CYP19A1: variants seen among roughly 807,000 people sequenced by gnomAD.
CYP19A1 encodes aromatase.
In CYP19A1, 32 loss-of-function variants were observed where a neutral mutation model predicts 44.4. That is an observed-to-expected ratio of 0.72 (90% CI 0.54 to 0.97). The LOEUF (loss-of-function observed/expected upper bound fraction) is 0.97, where lower values mean the gene tolerates loss of function less well. Ranked by LOEUF, CYP19A1 falls within the 50% of genes least tolerant of loss-of-function variation. CYP19A1 has a pLI of 0.00. For missense variants in CYP19A1, 598 were observed against 637.8 expected, an observed-to-expected ratio of 0.94 and a Z score of 0.67; for synonymous variants, 212 against 215.6, an observed-to-expected ratio of 0.98 and a Z score of 0.14.
rs545247348 is a variant in CYP19A1 at position 51,304,890 on chromosome 15, C to CTTTTTT, written c.-39+33599_-39+33604dup. On this transcript the variant is annotated intron_variant, in intron 1 of 9. Coordinates refer to ENST00000396402, the MANE Select transcript of CYP19A1 (RefSeq NM_000103.4). ...ATCCCTCAGGTAATTGTGTCTCTTC[C>CTTTTTT]TTTTTTTTTTTTTTTTTTTTTTTTT... 1.0e-3 allele frequency among the ~76,000 whole-genome samples: 109 copies of CTTTTTT among 104,576 alleles called. 13 individuals carry two copies. The highest frequency in any genetic ancestry group is 4.6e-3 in the African/African-American group (97 of 20,870). 68.6% of individuals were successfully genotyped at this position (104,576 alleles called of 152,430 possible). A position where few individuals can be genotyped will look rare whatever the true frequency, so the allele number is the denominator to read the frequency against.
chr15:51,248,992 T>G (rs999491497), intron 1 of CYP19A1, among the ~76,000 whole-genome samples: 78 of 150,850 alleles, frequency 5.2e-4, no homozygotes, highest in African/African-American at 1.9e-3. Context: ...AGTGCTGGAG[T>G]GCAGTGATGC....
At chr15:51,272,402 G>A (rs146675169) in intron 1 of CYP19A1, among the ~76,000 whole-genome samples, 385 of 152,200 alleles carry the variant, frequency 2.5e-3, no homozygotes, top group Admixed American at 5.2e-3. Context: ...ACCAGTGCCA[G>A]GTACATCGTT....
intron 1 of CYP19A1, among the ~76,000 whole-genome samples, chr15:51,303,874 C>T (rs532851451): frequency 6.6e-6 from 1 of 152,078 alleles, no homozygotes. Context: ...CTGAAAATCC[C>T]GGGCTGAGGA....
intron 1 of CYP19A1, among the ~76,000 whole-genome samples, chr15:51,273,200 C>T (rs141453563): frequency 0.012 from 1,773 of 152,176 alleles, 39 homozygotes; most frequent in Non-Finnish European, 0.013. Flanking sequence ...CCACCCACCT[C>T]GGCCTCCCAA....
intron 1 of CYP19A1, among the ~76,000 whole-genome samples, chr15:51,332,454 G>T (rs1043528251): frequency 1.3e-5 from 2 of 152,112 alleles, no homozygotes; most frequent in Non-Finnish European, 2.9e-5. Context: ...CTTGAAATAT[G>T]TCTCTTCTAT....
chr15:51,250,891 G>A (rs2034281243), intron 1 of CYP19A1, among the ~76,000 whole-genome samples: 1 of 152,192 alleles, frequency 6.6e-6, no homozygotes, highest in Non-Finnish European at 1.5e-5. Context: ...TAAGGTAGTG[G>A]AATTTTCCAG....
At position 51,250,030 on chromosome 15, in the gene CYP19A1, C is replaced by T. The variant is rs1269695208; in HGVS notation, c.-38-7080G>A. 2.6e-5 allele frequency among the ~76,000 whole-genome samples: 4 copies of T among 152,196 alleles called. No individual in the cohort carries two copies. The East Asian group carries it at 7.7e-4, about 29-fold the overall frequency. On this transcript the variant is annotated intron_variant, in intron 1 of 9. Coordinates refer to ENST00000396402, the MANE Select transcript of CYP19A1 (RefSeq NM_000103.4). ...TGCAGCTAGATACACATGGTGTGGA[C>T]TACCTTCAGGGCAAATGCCTTGTCC...
At chr15:51,303,110 G>T (rs76439081) in intron 1 of CYP19A1, among the ~76,000 whole-genome samples, 7,546 of 152,274 alleles carry the variant, frequency 0.05, 377 homozygotes, top group South Asian at 0.21. Context: ...CCTTTGGAAG[G>T]CTTCAGCTGT....
At chr15:51,322,676 A>C (rs1595784997) in intron 1 of CYP19A1, among the ~76,000 whole-genome samples, 1 of 151,050 alleles carries the variant, frequency 6.6e-6, no homozygotes, top group African/African-American at 2.4e-5. Context: ...CATCACCCCC[A>C]CCCCCGCTTC....
At chr15:51,275,349 G>C (rs1595746916) in intron 1 of CYP19A1, among the ~76,000 whole-genome samples, 1 of 152,216 alleles carries the variant, frequency 6.6e-6, no homozygotes, top group East Asian at 1.9e-4. Flanking sequence ...AGTCTCTTCT[G>C]TGAAAAGATG....
intron 1 of CYP19A1, among the ~76,000 whole-genome samples, chr15:51,303,815 G>T (rs576692665): frequency 6.6e-6 from 1 of 152,208 alleles, no homozygotes; most frequent in African/African-American, 2.4e-5. Flanking sequence ...ACCTTTGGCT[G>T]CAATTGCACG....
chr15:51,264,380 G>T (rs1048057116), intron 1 of CYP19A1, among the ~76,000 whole-genome samples: 6 of 152,140 alleles, frequency 3.9e-5, no homozygotes, highest in Non-Finnish European at 5.9e-5. Flanking sequence ...GCAGGAGTCG[G>T]GGGGGAGGGT....
chr15:51,313,756 C>T (rs1733187799), intron 1 of CYP19A1, among the ~76,000 whole-genome samples: 1 of 152,096 alleles, frequency 6.6e-6, no homozygotes, highest in South Asian at 2.1e-4. Context: ...GAGATCATAC[C>T]ACTGCAGTCC....
intron 1 of CYP19A1, among the ~76,000 whole-genome samples, chr15:51,282,886 CAT>C (rs1333778193): frequency 6.6e-6 from 1 of 151,940 alleles, no homozygotes; most frequent in Non-Finnish European, 1.5e-5. Flanking sequence ...TTTCTTAAGG[CAT>C]TTATTATGAA....
chr15:51,274,268 T>C (rs907410064), intron 1 of CYP19A1, among the ~76,000 whole-genome samples: 2 of 152,178 alleles, frequency 1.3e-5, no homozygotes, highest in Non-Finnish European at 2.9e-5. Context: ...GCACAAGGAT[T>C]ATTACCGATT....
intron 1 of CYP19A1, among the ~76,000 whole-genome samples, chr15:51,283,630 A>C (rs2035603588): frequency 6.6e-6 from 1 of 152,220 alleles, no homozygotes; most frequent in Non-Finnish European, 1.5e-5. Flanking sequence ...ATTTGGACAC[A>C]AAAAAGGAAT....
chr15:51,224,726 T>C (rs2032426962), intron 4 of CYP19A1, among the ~76,000 whole-genome samples: 1 of 152,218 alleles, frequency 6.6e-6, no homozygotes, highest in Non-Finnish European at 1.5e-5. Context: ...TTTATGTTAT[T>C]CTGCTTAAAA....
rs1462679729 is a variant in CYP19A1, at chr15:51,210,180, G to A, written c.*628C>T. The A allele has an allele frequency of 5.6e-6, 2 of 359,118 alleles. No individual in the cohort carries two copies. The highest frequency in any genetic ancestry group is 2.1e-5 in the South Asian group (1 of 47,626). The allele number at this position is 359,118 out of a possible 1,614,324, so 22.2% of individuals were successfully genotyped here. A position where few individuals can be genotyped will look rare whatever the true frequency, so the allele number is the denominator to read the frequency against. ...GGCTGAGGCATAAATCGACAGACTGGGAAAGAATTTCCTCTGATTAAACTT... is the reference window on the plus strand; with the variant it reads ...GGCTGAGGCATAAATCGACAGACTGAGAAAGAATTTCCTCTGATTAAACTT... On this transcript the variant is annotated 3_prime_UTR_variant, in exon 10 of 10. Transcript: ENST00000396402.
At chr15:51,335,960 C>T (rs1394339949) in intron 1 of CYP19A1, among the ~76,000 whole-genome samples, 1 of 152,216 alleles carries the variant, frequency 6.6e-6, no homozygotes, top group Non-Finnish European at 1.5e-5. Flanking sequence ...CATGCCATCT[C>T]CTGCCATAGG....
Sources: gnomAD v4.1 joint callset for allele counts (sites outside exome capture counted in the v4.1 genomes callset) on GRCh38, gnomAD v4.1.1 for gene constraint, MANE v1.5 for transcripts, NCBI Gene and HGNC (gene_info 2026-07-23, HGNC 2026-07-21) for gene names.